Variants in ARHGAP6 observed in about 807,000 individuals in gnomAD.
ARHGAP6 encodes the protein Rho GTPase activating protein 6, also known as rho GTPase-activating protein 6.
ARHGAP6 carries 16 observed loss-of-function variants against 55.7 expected under a neutral mutation model. The observed-to-expected ratio is 0.29, with a 90% CI of 0.19 to 0.44. The LOEUF is 0.44. Ranked by LOEUF, ARHGAP6 falls within the 20% of genes least tolerant of loss-of-function variation. The pLI is 1.00. For missense variants in ARHGAP6, 698 were observed against 808.9 expected (o/e 0.86, Z 1.66); for synonymous variants, 382 against 360.9 (o/e 1.06, Z -0.66).
At chrX:11,384,284 C>T (rs1031376195) in intron 1 of ARHGAP6, among the ~76,000 whole-genome samples, 1 of 111,570 alleles carries the variant, frequency 9.0e-6, no homozygotes, top group Admixed American at 9.5e-5. Flanking sequence ...TGTCTTGTGG[C>T]AGGAAAAACC....
chrX:11,276,661 TCACA>T (rs2047773014), intron 1 of ARHGAP6, among the ~76,000 whole-genome samples: 1 of 111,906 alleles, frequency 8.9e-6, no homozygotes. Context: ...ACTTACTGGT[TCACA>T]TCTGATTTTC....
chrX:11,357,939 T>C (rs2048952720), intron 1 of ARHGAP6, among the ~76,000 whole-genome samples: 1 of 111,961 alleles, frequency 8.9e-6, no homozygotes, highest in Non-Finnish European at 1.9e-5. Flanking sequence ...TACAATCCAG[T>C]AAGTTTTAGT....
At chrX:11,559,744 G>A (rs963875548) in intron 1 of ARHGAP6, among the ~76,000 whole-genome samples, 4 of 109,203 alleles carry the variant, frequency 3.7e-5, no homozygotes, top group Non-Finnish European at 7.6e-5. Context: ...CGGCTAACAC[G>A]GTGAAACCCC....
At chrX:11,211,753 A>G (rs1178020698) in intron 2 of ARHGAP6, among the ~76,000 whole-genome samples, 1 of 109,860 alleles carries the variant, frequency 9.1e-6, no homozygotes, top group Non-Finnish European at 1.9e-5. Flanking sequence ...CATATTGGCC[A>G]GGCTGATCTC....
intron 1 of ARHGAP6, chrX:11,351,411 G>C (rs1016657656): frequency 3.1e-6 from 3 of 969,303 alleles, no homozygotes; most frequent in Non-Finnish European, 2.6e-6. Flanking sequence ...GAGAACAGTC[G>C]ACCCAAGTGA....
At chrX:11,616,335 T>C (rs2052163950) in intron 1 of ARHGAP6, among the ~76,000 whole-genome samples, 1 of 110,619 alleles carries the variant, frequency 9.0e-6, no homozygotes, top group African/African-American at 3.3e-5. Flanking sequence ...TTTCTTTTTC[T>C]TTTTTTCTTG....
intron 5 of ARHGAP6, among the ~76,000 whole-genome samples, chrX:11,182,861 C>G (rs1447829462): frequency 9.1e-6 from 1 of 110,171 alleles, no homozygotes; most frequent in Non-Finnish European, 1.9e-5. Context: ...AGCGATCCAC[C>G]TGCCTCAACC....
intron 1 of ARHGAP6, among the ~76,000 whole-genome samples, chrX:11,400,552 G>C (rs1470312786): frequency 9.3e-6 from 1 of 107,578 alleles, no homozygotes; most frequent in Non-Finnish European, 1.9e-5. Context: ...TCTGCTTCAG[G>C]TGGAATTTAC....
At chrX:11,302,042 T>C (rs1244633261) in intron 1 of ARHGAP6, among the ~76,000 whole-genome samples, 1 of 112,375 alleles carries the variant, frequency 8.9e-6, no homozygotes, top group Non-Finnish European at 1.9e-5. Context: ...AGACATACAT[T>C]AACTGGTAAT....
intron 1 of ARHGAP6, among the ~76,000 whole-genome samples, chrX:11,268,314 G>A (rs183763003): frequency 2.3e-4 from 26 of 111,822 alleles, no homozygotes; most frequent in African/African-American, 6.5e-4. Context: ...TATCCAGTGC[G>A]GTGTGCTTTT....
At chrX:11,549,286 A>G (rs889599863) in intron 1 of ARHGAP6, among the ~76,000 whole-genome samples, 17 of 112,091 alleles carry the variant, frequency 1.5e-4, no homozygotes, top group Non-Finnish European at 3.8e-5. Context: ...GGCTAAGGGA[A>G]CTATAATAAA....
intron 1 of ARHGAP6, among the ~76,000 whole-genome samples, chrX:11,514,947 T>C (rs1051392111): frequency 6.3e-5 from 7 of 111,193 alleles, no homozygotes; most frequent in African/African-American, 2.3e-4. Flanking sequence ...CCACCCTCAC[T>C]GGTTTCTCCT....
intron 1 of ARHGAP6, among the ~76,000 whole-genome samples, chrX:11,531,331 G>C (rs908267402): frequency 9.0e-6 from 1 of 111,592 alleles, no homozygotes; most frequent in Non-Finnish European, 1.9e-5. Flanking sequence ...ACAGAAGTAA[G>C]TTTTTTAAAA....
chrX:11,325,528 GA>G (rs1450361297), intron 1 of ARHGAP6, among the ~76,000 whole-genome samples: 1 of 111,779 alleles, frequency 8.9e-6, no homozygotes, highest in African/African-American at 3.2e-5. Context: ...ATGCACAAAT[GA>G]GAAAAAACAC....
chrX:11,563,097 T>C (rs1290875147), intron 1 of ARHGAP6, among the ~76,000 whole-genome samples: 6 of 111,304 alleles, frequency 5.4e-5, no homozygotes, highest in Non-Finnish European at 9.4e-5. Flanking sequence ...AATGCATAAT[T>C]ATAACCACAC....
intron 7 of ARHGAP6, 105 bp from the exon 8 acceptor site, chrX:11,178,353 C>T (rs928845275): frequency 1.3e-5 from 12 of 913,414 alleles, no homozygotes; most frequent in Non-Finnish European, 1.6e-5. Context: ...ATTATCAAGG[C>T]AATTCCCATT....
intron 1 of ARHGAP6, among the ~76,000 whole-genome samples, chrX:11,617,854 C>T (rs2052183347): frequency 9.0e-6 from 1 of 111,255 alleles, no homozygotes; most frequent in Non-Finnish European, 1.9e-5. Flanking sequence ...GCTGAATGCT[C>T]GTAACAGGAT....
At chrX:11,639,633 G>A (rs762627299) in intron 1 of ARHGAP6, among the ~76,000 whole-genome samples, 4 of 111,137 alleles carry the variant, frequency 3.6e-5, no homozygotes, top group Non-Finnish European at 7.6e-5. Flanking sequence ...CTGTGGTTTA[G>A]CAACAAATTA....
intron 1 of ARHGAP6, among the ~76,000 whole-genome samples, chrX:11,459,705 A>C (rs1409499412): frequency 8.9e-6 from 1 of 111,761 alleles, no homozygotes; most frequent in Non-Finnish European, 1.9e-5. Context: ...CATATACTGA[A>C]ATCACCAGTT....
Sources: allele counts gnomAD v4.1 joint callset (sites outside exome capture counted in the v4.1 genomes callset), GRCh38; gene constraint gnomAD v4.1.1; transcripts MANE v1.5; gene names NCBI Gene and HGNC (gene_info 2026-07-23, HGNC 2026-07-21).